The following CAPN12 variants were observed in gnomAD, a reference collection of about 807,000 sequenced individuals.
The protein encoded by CAPN12 is calpain 12.
A neutral mutation model predicts 95.0 loss-of-function variants in CAPN12; 107 were observed. The ratio of observed to expected loss-of-function variants is 1.13; its 90% CI spans 0.96 to 1.32. The LOEUF is 1.32. Ranked by LOEUF, CAPN12 falls within the 40% of genes most tolerant of loss-of-function variation. CAPN12 has a pLI of 0.00. For synonymous variants in CAPN12, 505 were observed against 415.5 expected, an observed-to-expected ratio of 1.22 and a Z score of -2.62; for missense variants, 1,136 against 997.8, an observed-to-expected ratio of 1.14 and a Z score of -1.87.
intron 8 of CAPN12, 49 bp downstream of exon 8, chr19:38,738,224 C>CT: frequency 1.3e-6 from 2 of 1,495,694 alleles, no homozygotes; most frequent in Non-Finnish European, 1.8e-6. Context: ...CCCTGAACCC[C>CT]TTGGCAGAGA....
chr19:38,736,345 A>C, intron 11 of CAPN12, 27 bp from the exon 12 acceptor site: 1 of 1,460,106 alleles, frequency 6.8e-7, no homozygotes, highest in Non-Finnish European at 9.1e-7. Context: ...ATGACCACGG[A>C]CCAGGCTCAC....
chr19:38,737,107 C>T (rs1412028579), intron 10 of CAPN12, 49 bp downstream of exon 10: 2 of 1,463,212 alleles, frequency 1.4e-6, no homozygotes, highest in Non-Finnish European at 1.9e-6. Flanking sequence ...CGGCCCCGCC[C>T]CTCCACCCTC....
rs1018127717 is a variant in CAPN12 at position 38,736,235 on chromosome 19, G to A, written c.1458C>T (p.Arg486=). The A allele has an allele frequency of 4.7e-6, 7 of 1,495,620 alleles. No individual in the cohort carries two copies. The East Asian group carries it at 1.9e-4, about 41-fold the overall frequency. The allele number at this position is 1,495,620 out of a possible 1,614,324, so 92.6% of individuals were successfully genotyped here. ...LRADRSPLSA[R]RDVTRRCCLR... Reference sequence around the variant, plus strand: ...GGCAGCAGCGGCGGGTCACGTCGCGGCGGGCGCTGAGGGGCGAGCGGTCGG... The same window carrying A: ...GGCAGCAGCGGCGGGTCACGTCGCGACGGGCGCTGAGGGGCGAGCGGTCGG... Residue 486 remains arginine, a synonymous_variant, in exon 12 of 21, where the codon CGC becomes CGT. Coordinates refer to ENST00000328867, the MANE Select transcript of CAPN12 (RefSeq NM_144691.4).
chr19:38,730,902 G>A, intron 20 of CAPN12, 24 bp from the exon 21 acceptor site: 1 of 1,551,112 alleles, frequency 6.4e-7, no homozygotes, highest in Non-Finnish European at 8.7e-7. Context: ...GGAAGACAGT[G>A]GCTTGAGGCA....
rs549946105 is a variant in CAPN12 at position 38,733,723 on chromosome 19, C to A, written c.1937G>T (p.Arg646Met). 3.7e-6 allele frequency: 6 copies of A among 1,613,624 alleles called. No homozygotes were observed. The Admixed American group carries it at 1.0e-4, about 27-fold the overall frequency. The change falls in exon 18 of 21, where the codon AGG becomes ATG. Residue 646 changes from arginine (R) to methionine (M), a missense_variant. Physicochemically the swap from Arg to Met is moderately conservative, Grantham distance 91. Transcript: ENST00000328867. ...CACACCTGCTGCATTCAGTGCCAGCCTCAGCTCGTAGGAGTTCATGGTTCC... is the reference window on the plus strand; with the variant it reads ...CACACCTGCTGCATTCAGTGCCAGCATCAGCTCGTAGGAGTTCATGGTTCC... ...TSGTMNSYEL[R>M]LALNAAGFHL...
Position 38,736,612 on chromosome 19 carries a change from C to CAGGGGAGAGAGGGG in CAPN12, c.1363-50_1363-49insCCCCTCTCTCCCCT, listed in dbSNP as rs780413620. The CAGGGGAGAGAGGGG allele has an allele frequency of 5.5e-4, 781 of 1,427,360 alleles. 12 individuals are homozygous for CAGGGGAGAGAGGGG. The highest frequency in any genetic ancestry group is 6.3e-4 in the South Asian group (47 of 74,444). The allele number at this position is 1,427,360 out of a possible 1,614,324, so 88.4% of individuals were successfully genotyped here. A position where few individuals can be genotyped will look rare whatever the true frequency, so the allele number is the denominator to read the frequency against. The stretch of plus-strand genomic sequence containing the variant: ...CGTCGGGGCAGGGGAGAGGTGGCCG[C>CAGGGGAGAGAGGGG]CGCTCAGGGTCTCCTCCCTGCCCCT... On this transcript the variant is annotated intron_variant, in intron 10 of 20. Transcript: ENST00000328867.
At chr19:38,731,864 T>C (rs1288261150) in intron 18 of CAPN12, among the ~76,000 whole-genome samples, 2 of 152,246 alleles carry the variant, frequency 1.3e-5, no homozygotes, top group Non-Finnish European at 2.9e-5. Flanking sequence ...GTAAGTGCCA[T>C]TTCATGCTGT....
rs11406594 is a variant in CAPN12, at chr19:38,742,850, C to CAAAAAAAAAAAAAAAAA, written c.307+166_307+182dup. Among the ~76,000 whole-genome samples the CAAAAAAAAAAAAAAAAA allele has an allele frequency of 2.3e-4, 12 of 53,294 alleles. 1 individual carries two copies. The highest frequency in any genetic ancestry group is 2.8e-4 in the African/African-American group (3 of 10,874). The allele number at this position is 53,294 out of a possible 152,430, so 35.0% of individuals were successfully genotyped here. The stretch of plus-strand genomic sequence containing the variant: ...TGGGTGACAGAGTGAGACCCCATCT[C>CAAAAAAAAAAAAAAAAA]AAAAAAAAAAAAAAAAAAAAAAGGA... On this transcript the variant is annotated intron_variant, in intron 2 of 20. Coordinates refer to ENST00000328867, the MANE Select transcript of CAPN12 (RefSeq NM_144691.4).
chr19:38,741,786 G>A lies in CAPN12; in HGVS notation c.551C>T (p.Ala184Val). Residue 184 changes from alanine (A) to valine (V), a missense_variant, in exon 4 of 21, where the codon GCC becomes GTC. Coordinates refer to ENST00000328867, the MANE Select transcript of CAPN12 (RefSeq NM_144691.4). The stretch of plus-strand genomic sequence containing the variant: ...GAACTGGGGTCCTCACTTGGCGTAG[G>A]CCTTCTCCAGGAGTGGGGCCCAGAA... ...NEFWAPLLEK[A>V]YAKLHGSYEV... The A allele has an allele frequency of 2.5e-6, 4 of 1,613,974 alleles. No individual in the cohort carries two copies. Among genetic ancestry groups the A allele is most frequent in the Non-Finnish European group, 3.4e-6 (4 of 1,180,020 alleles).
chr19:38,734,411 A>G (rs1184963384), intron 15 of CAPN12, 22 bp from the exon 16 acceptor site: 1 of 1,559,190 alleles, frequency 6.4e-7, no homozygotes, highest in East Asian at 2.3e-5. Flanking sequence ...ACAAAGTCAA[A>G]CCACAGCACT....
In CAPN12 at chr19:38,738,926, G is replaced by A. The variant is rs35403788; in HGVS notation, c.730-278C>T. On this transcript the variant is annotated intron_variant, in intron 5 of 20. Coordinates refer to ENST00000328867, the MANE Select transcript of CAPN12 (RefSeq NM_144691.4). Reference sequence around the variant, plus strand: ...GTGGAAGGACTACTTGAGGCCAGGAGTCCAAGACCAGCCTGGGCAACATAG... The same window carrying A: ...GTGGAAGGACTACTTGAGGCCAGGAATCCAAGACCAGCCTGGGCAACATAG... 0.063 allele frequency: 31,573 copies of A among 501,980 alleles called. 1,169 individuals carry two copies. The highest frequency in any genetic ancestry group is 0.1 in the South Asian group (4,675 of 46,034). 31.1% of individuals were successfully genotyped at this position (501,980 alleles called of 1,614,324 possible).
At position 38,735,329 on chromosome 19, in the gene CAPN12, G is replaced by A. The variant is rs749811804; in HGVS notation, c.1686+41C>T. 1.4e-5 allele frequency: 21 copies of A among 1,514,074 alleles called. No homozygotes were observed. In the Admixed American group the frequency reaches 4.0e-4, roughly 29 times the overall value. 93.8% of individuals were successfully genotyped at this position (1,514,074 alleles called of 1,614,324 possible). On this transcript the variant is annotated intron_variant, in intron 14 of 20. Transcript: ENST00000328867. ...GGGGAAGGGGGGTCCCCAAGGGGAG[G>A]CCGCAGCGGGATACCCCCTCAGTCC...
chr19:38,737,145 C>G lies in CAPN12; in HGVS notation c.1362+11G>C. 1 of 1,544,960 alleles carries G rather than the reference C, an allele frequency of 6.5e-7. No homozygotes were observed. Among genetic ancestry groups the G allele is most frequent in the East Asian group, 2.4e-5 (1 of 40,836 alleles). On this transcript the variant is annotated intron_variant, in intron 10 of 20. Coordinates refer to ENST00000328867, the MANE Select transcript of CAPN12 (RefSeq NM_144691.4). ...GGTTCCCTCCAGCCTCAGCTTTGCC[C>G]AGGACCTCACCTGGAACACGTGGAA...
At chr19:38,744,609 TCTC>T (rs1970777656), upstream of CAPN12, 1 of 224,894 alleles carries the variant, frequency 4.4e-6, no homozygotes, top group African/African-American at 2.2e-5. Flanking sequence ...TCATGTTTCT[TCTC>T]CATCAGTTTC....
chr19:38,742,519 C>G lies in CAPN12; in HGVS notation c.317G>C (p.Trp106Ser), dbSNP rs746967922. The G allele has an allele frequency of 1.9e-6, 3 of 1,610,096 alleles. No individual in the cohort carries two copies. The highest frequency in any genetic ancestry group is 1.7e-5 in the Admixed American group (1 of 59,398). Residue 106 changes from tryptophan (W) to serine (S), a missense_variant, in exon 3 of 21, where the codon TGG (tryptophan) becomes TCG (serine). Trp to Ser is a radical substitution (Grantham distance 177). Transcript: ENST00000328867. ...DVCQGSLGNC[W>S]FLAAAASLTL... Reference sequence around the variant, plus strand: ...AAGGGAGGCGGCAGCTGCAAGGAACCAGCAGTTACCTGGGAGGAGAGGCCA... The same window carrying G: ...AAGGGAGGCGGCAGCTGCAAGGAACGAGCAGTTACCTGGGAGGAGAGGCCA...
At position 38,736,115 on chromosome 19, in the gene CAPN12, C is replaced by T. The variant is rs1599905873; in HGVS notation, c.1578G>A (p.Thr526=). 4 of 1,498,248 alleles carry T rather than the reference C, an allele frequency of 2.7e-6. No individual in the cohort carries two copies. Among genetic ancestry groups the T allele is most frequent in the Non-Finnish European group, 2.7e-6 (3 of 1,127,452 alleles). 92.8% of individuals were successfully genotyped at this position (1,498,248 alleles called of 1,614,324 possible). ...TLRVFSERRH[T]AVEIDDVISA... is the part of the protein sequence containing the mutation. ...TTTGGGTGCCCGGGGCTCACACGGC[C>T]GTGTGGCGGCGCTCGGAGAAGACAC... is the stretch of plus-strand genomic sequence containing the variant. Residue 526 remains threonine (T), a synonymous_variant, in exon 12 of 21, where the codon ACG becomes ACA. Transcript: ENST00000328867.
chr19:38,742,850 C>CAAAAAAAAAAAAG (rs34722370), intron 2 of CAPN12, among the ~76,000 whole-genome samples, 183 bp downstream of exon 2: 1 of 53,306 alleles, frequency 1.9e-5, no homozygotes, highest in Non-Finnish European at 3.0e-5. Flanking sequence ...GACCCCATCT[C>CAAAAAAAAAAAAG]AAAAAAAAAA....
intron 4 of CAPN12, among the ~76,000 whole-genome samples, chr19:38,740,908 TGGG>T (rs1289278027): frequency 5.3e-5 from 8 of 150,746 alleles, no homozygotes; most frequent in Non-Finnish European, 1.2e-4. Flanking sequence ...TTCGGTTTGG[TGGG>T]GGGCATGGGA....
chr19:38,731,860 G>A (rs530783920), intron 18 of CAPN12, among the ~76,000 whole-genome samples: 21 of 152,342 alleles, frequency 1.4e-4, no homozygotes, highest in African/African-American at 4.8e-4. Context: ...CCAAGTAAGT[G>A]CCATTTCATG....
Sources: allele counts gnomAD v4.1 joint callset (sites outside exome capture counted in the v4.1 genomes callset), GRCh38; gene constraint gnomAD v4.1.1; transcripts MANE v1.5; gene names NCBI Gene and HGNC (gene_info 2026-07-23, HGNC 2026-07-21).